The following SAMHD1 variants were observed in gnomAD, a reference collection of about 807,000 sequenced individuals.
SAMHD1 encodes the protein SAM and HD domain containing deoxynucleoside triphosphate triphosphohydrolase 1, also known as deoxynucleoside triphosphate triphosphohydrolase SAMHD1.
SAMHD1 carries 54 observed loss-of-function variants against 79.6 expected under a neutral mutation model. The ratio of observed to expected loss-of-function variants is 0.68; its 90% CI spans 0.55 to 0.85. SAMHD1 has a LOEUF of 0.85. Ranked by LOEUF, SAMHD1 falls within the 40% of genes least tolerant of loss-of-function variation. The probability of loss-of-function intolerance (pLI) is 0.00; values close to 1 mark genes in which losing one functional copy is unlikely to be tolerated. For missense variants in SAMHD1, 663 were observed against 782.7 expected, an observed-to-expected ratio of 0.85 and a Z score of 1.82; for synonymous variants, 260 against 264.1, an observed-to-expected ratio of 0.98 and a Z score of 0.15.
chr20:36,920,717 C>T (rs748457804), intron 6 of SAMHD1, among the ~76,000 whole-genome samples: 1 of 150,346 alleles, frequency 6.7e-6, no homozygotes, highest in Non-Finnish European at 1.5e-5. Flanking sequence ...GAGCCGAGAT[C>T]GCCCTGCACT....
intron 11 of SAMHD1, among the ~76,000 whole-genome samples, chr20:36,908,150 A>T (rs2063415704): frequency 6.6e-6 from 1 of 152,174 alleles, no homozygotes; most frequent in Non-Finnish European, 1.5e-5. Context: ...TGTTGGGATT[A>T]TAGGCGTGAG....
At chr20:36,918,689 C>A (rs2063488746) in intron 7 of SAMHD1, among the ~76,000 whole-genome samples, 1 of 150,974 alleles carries the variant, frequency 6.6e-6, no homozygotes, top group African/African-American at 2.4e-5. Context: ...GTAATCCCAG[C>A]TACTCAGGAG....
chr20:36,912,529 C>G lies in SAMHD1; in HGVS notation c.1086G>C (p.Met362Ile). ...GGTGTAAAGAGTTGCGAGTGTGGAA[C>G]ATGTCATACAGATTTCCAACTTCCT... ...RDKEVGNLYDMFHTRNSLHRR... is the reference protein window; with the variant it reads ...RDKEVGNLYDIFHTRNSLHRR... Residue 362 changes from methionine (M) to isoleucine (I), a missense_variant, in exon 10 of 16, where the codon ATG becomes ATC. Transcript: ENST00000646673. 6.2e-7 allele frequency: 1 copy of G among 1,612,596 alleles called. No homozygotes were observed. Among genetic ancestry groups the G allele is most frequent in the Non-Finnish European group, 8.5e-7 (1 of 1,178,880 alleles).
At chr20:36,939,833 G>A (rs1281625982) in intron 3 of SAMHD1, among the ~76,000 whole-genome samples, 1 of 152,052 alleles carries the variant, frequency 6.6e-6, no homozygotes, top group Non-Finnish European at 1.5e-5. Flanking sequence ...AGTAAATAAG[G>A]TCTATTTCCT....
chr20:36,914,652 G>A (rs573789640), intron 9 of SAMHD1, among the ~76,000 whole-genome samples: 8 of 151,224 alleles, frequency 5.3e-5, no homozygotes, highest in African/African-American at 9.7e-5. Flanking sequence ...GAGCCACCAC[G>A]CCTGGCCTTG....
At chr20:36,893,925 G>A (rs1219497019) in intron 15 of SAMHD1, 1 of 398,508 alleles carries the variant, frequency 2.5e-6, no homozygotes, top group African/African-American at 2.1e-5. Context: ...GGCTCTGGTG[G>A]GAGACTGGAG....
chr20:36,928,196 G>T (rs1433582537), intron 5 of SAMHD1, among the ~76,000 whole-genome samples: 1 of 150,798 alleles, frequency 6.6e-6, no homozygotes, highest in African/African-American at 2.4e-5. Flanking sequence ...AGACCAGCCC[G>T]GCCAACATGG....
At chr20:36,940,716 G>A (rs1161391346) in intron 3 of SAMHD1, 2 of 367,738 alleles carry the variant, frequency 5.4e-6, no homozygotes, top group African/African-American at 2.1e-5. Flanking sequence ...AAAAAAGAAT[G>A]TACAAAGGAG....
At chr20:36,933,883 A>G (rs978878090) in intron 4 of SAMHD1, among the ~76,000 whole-genome samples, 2 of 151,656 alleles carry the variant, frequency 1.3e-5, no homozygotes, top group African/African-American at 2.4e-5. Flanking sequence ...TGTCTCTACT[A>G]AAAAATACAA....
intron 6 of SAMHD1, among the ~76,000 whole-genome samples, chr20:36,921,392 CAA>C (rs34384942): frequency 2.0e-3 from 112 of 55,080 alleles, no homozygotes; most frequent in Non-Finnish European, 3.0e-3. Context: ...GACTCTGTCT[CAA>C]AAAAAAAAAA....
Position 36,890,845 on chromosome 20 carries a change from A to T in SAMHD1, c.*2087T>A, listed in dbSNP as rs531556695. On this transcript the variant is annotated 3_prime_UTR_variant, in exon 16 of 16. Coordinates refer to ENST00000646673, the MANE Select transcript of SAMHD1 (RefSeq NM_015474.4). The stretch of plus-strand genomic sequence containing the variant: ...GAAACAGTTGCAAAGAACATAAAGT[A>T]CAGCTGCGTTACATGTAACAAAAGA... 1 of 152,368 alleles carries T rather than the reference A, an allele frequency of 6.6e-6. No homozygotes were observed. The highest frequency in any genetic ancestry group is 2.1e-4 in the South Asian group (1 of 4,832). 9.4% of individuals were successfully genotyped at this position (152,368 alleles called of 1,614,324 possible). A position where few individuals can be genotyped will look rare whatever the true frequency, so the allele number is the denominator to read the frequency against.
Position 36,948,314 on chromosome 20 carries a change from G to A in SAMHD1, c.209-1510C>T, listed in dbSNP as rs377406779. On this transcript the variant is annotated intron_variant, in intron 1 of 15. Transcript: ENST00000646673. ...GTCGCCCAGGCTGGAGTGCAGTGGC[G>A]GGATCTTGGCTCACTGCAACCTCCG... 1.3e-4 allele frequency among the ~76,000 whole-genome samples: 19 copies of A among 151,968 alleles called. No homozygotes were observed. In the South Asian group the frequency reaches 3.7e-3, roughly 30 times the overall value.
rs141913630 is a variant in SAMHD1, at chr20:36,938,170, CA to C, written c.348+2868del. ...GGTGTGAGCCACCATACCCAGCCAA[CA>C]ATGTTCTTTTTACAGAAAAATAGAA... is the stretch of plus-strand genomic sequence containing the variant. On this transcript the variant is annotated intron_variant, in intron 3 of 15. Transcript: ENST00000646673. Among the ~76,000 whole-genome samples, 295 of 152,180 alleles carry C rather than the reference CA, an allele frequency of 1.9e-3. 4 individuals carry two copies. Among genetic ancestry groups the C allele is most frequent in the African/African-American group, 6.9e-3 (288 of 41,510 alleles).
At chr20:36,946,891 C>G in intron 1 of SAMHD1, 87 bp from the exon 2 acceptor site, 1 of 1,071,484 alleles carries the variant, frequency 9.3e-7, no homozygotes, top group Non-Finnish European at 1.4e-6. Context: ...TTACCCAGAT[C>G]CACATAAGTG....
intron 6 of SAMHD1, among the ~76,000 whole-genome samples, chr20:36,920,798 C>T (rs1261415322): frequency 6.7e-6 from 1 of 149,652 alleles, no homozygotes; most frequent in Non-Finnish European, 1.5e-5. Flanking sequence ...AAAACAGAAT[C>T]AGGCTGGGTG....
In SAMHD1 at chr20:36,892,887, G is replaced by C. The variant is rs115645414; in HGVS notation, c.*45C>G. On this transcript the variant is annotated 3_prime_UTR_variant, in exon 16 of 16. Coordinates refer to ENST00000646673, the MANE Select transcript of SAMHD1 (RefSeq NM_015474.4). Reference sequence around the variant, plus strand: ...AATTCTATGATTGAAGCCTCTAAATGAATTGTGCAGGAGAGGGAGTTTGTA... The same window carrying C: ...AATTCTATGATTGAAGCCTCTAAATCAATTGTGCAGGAGAGGGAGTTTGTA... 6.2e-7 allele frequency: 1 copy of C among 1,611,644 alleles called. No homozygotes were observed. Among genetic ancestry groups the C allele is most frequent in the South Asian group, 1.1e-5 (1 of 90,996 alleles).
intron 13 of SAMHD1, 46 bp from the exon 14 acceptor site, chr20:36,898,590 C>T (rs1363575892): frequency 7.0e-7 from 1 of 1,425,584 alleles, no homozygotes; most frequent in Non-Finnish European, 9.9e-7. Flanking sequence ...AGCAGGAGAA[C>T]TGAACTCAGG....
In SAMHD1 at chr20:36,935,203, TTTAA is replaced by T; in HGVS notation, c.349-18_349-15del. The T allele has an allele frequency of 6.2e-7, 1 of 1,605,172 alleles. No homozygotes were observed. On this transcript the variant is annotated splice_polypyrimidine_tract_variant and intron_variant, in intron 3 of 15. Coordinates refer to ENST00000646673, the MANE Select transcript of SAMHD1 (RefSeq NM_015474.4). ...ATCATTAATTACCTAGAAAATTATGTTTAATTAATACAAATAACGACATGTAAGT... is the reference window on the plus strand; with the variant it reads ...ATCATTAATTACCTAGAAAATTATGTTTAATACAAATAACGACATGTAAGT...
chr20:36,914,410 G>T (rs1291854447), intron 9 of SAMHD1, among the ~76,000 whole-genome samples: 1 of 151,832 alleles, frequency 6.6e-6, no homozygotes, highest in African/African-American at 2.4e-5. Flanking sequence ...GAGTGCAGTG[G>T]CGCAATCTCG....
Sources: gnomAD v4.1 joint callset for allele counts (sites outside exome capture counted in the v4.1 genomes callset) on GRCh38, gnomAD v4.1.1 for gene constraint, MANE v1.5 for transcripts, NCBI Gene and HGNC (gene_info 2026-07-23, HGNC 2026-07-21) for gene names.